SND1: variants seen among roughly 807,000 people sequenced by gnomAD.
The protein encoded by SND1 is staphylococcal nuclease and tudor domain containing 1.
A neutral mutation model predicts 121.7 loss-of-function variants in SND1; 38 were observed. That is an observed-to-expected ratio of 0.31 (90% confidence interval 0.24 to 0.41). The LOEUF is 0.41. SND1 is among the 10% of genes least tolerant of loss of function. The pLI is 1.00. For synonymous variants in SND1, 401 were observed against 447.4 expected (o/e 0.90, Z 1.31); for missense variants, 868 against 1,184.6 (o/e 0.73, Z 3.92).
chr7:127,660,389 CTG>C (rs1795287638), intron 1 of SND1, among the ~76,000 whole-genome samples: 1 of 152,274 alleles, frequency 6.6e-6, no homozygotes. Flanking sequence ...GACTGGGAGA[CTG>C]TGGTGGGAGT....
At chr7:127,880,038 A>G (rs1412602731) in intron 12 of SND1, among the ~76,000 whole-genome samples, 8 of 152,186 alleles carry the variant, frequency 5.3e-5, no homozygotes, top group Admixed American at 5.2e-4. Context: ...TTAAATGGAA[A>G]ATCCTAGAAA....
intron 10 of SND1, among the ~76,000 whole-genome samples, chr7:127,776,862 C>G (rs1047647531): frequency 6.6e-6 from 1 of 152,152 alleles, no homozygotes; most frequent in Non-Finnish European, 1.5e-5. Flanking sequence ...TAGACAAGGC[C>G]CCATTTAACT....
intron 15 of SND1, among the ~76,000 whole-genome samples, chr7:127,940,599 T>A (rs1801174137): frequency 1.3e-5 from 2 of 152,118 alleles, no homozygotes; most frequent in Admixed American, 1.3e-4. Context: ...CTCACAAATC[T>A]CCCACCCCTT....
At chr7:127,762,199 T>C (rs987933885) in intron 10 of SND1, among the ~76,000 whole-genome samples, 1 of 152,186 alleles carries the variant, frequency 6.6e-6, no homozygotes, top group African/African-American at 2.4e-5. Context: ...AGGGCTCAGA[T>C]TGATAACTTT....
chr7:127,923,985 A>C (rs1350120847), intron 14 of SND1, among the ~76,000 whole-genome samples: 1 of 129,394 alleles, frequency 7.7e-6, no homozygotes, highest in African/African-American at 2.6e-5. Flanking sequence ...TGATCTCCAC[A>C]CTTTTTTTTT....
At chr7:127,909,594 T>C (rs1584659221) in intron 14 of SND1, among the ~76,000 whole-genome samples, 1 of 152,034 alleles carries the variant, frequency 6.6e-6, no homozygotes, top group South Asian at 2.1e-4. Context: ...AGTAACTGGG[T>C]CTACAGGTGC....
chr7:127,768,738 A>G (rs1797463995), intron 10 of SND1, among the ~76,000 whole-genome samples: 1 of 152,238 alleles, frequency 6.6e-6, no homozygotes, highest in African/African-American at 2.4e-5. Context: ...ACCCAGGGGT[A>G]GAATCTAAGG....
intron 12 of SND1, among the ~76,000 whole-genome samples, chr7:127,849,965 C>T (rs1366163992): frequency 6.6e-6 from 1 of 152,180 alleles, no homozygotes; most frequent in African/African-American, 2.4e-5. Flanking sequence ...TATGAATATC[C>T]TTTCTGTCTG....
chr7:128,001,937 CA>C (rs966731607), intron 16 of SND1, among the ~76,000 whole-genome samples: 2 of 150,240 alleles, frequency 1.3e-5, no homozygotes, highest in East Asian at 1.9e-4. Flanking sequence ...ATCTCAAAAA[CA>C]AAAAAAAATA....
chr7:127,867,155 C>T (rs1006246993), intron 12 of SND1, among the ~76,000 whole-genome samples: 1 of 152,198 alleles, frequency 6.6e-6, no homozygotes, highest in Non-Finnish European at 1.5e-5. Context: ...GCTATTCATT[C>T]CTTTCCCTTC....
At chr7:128,004,807 C>G (rs1337844531) in intron 16 of SND1, among the ~76,000 whole-genome samples, 3 of 152,240 alleles carry the variant, frequency 2.0e-5, no homozygotes, top group African/African-American at 7.2e-5. Flanking sequence ...AGTTTGCAAT[C>G]TTGCCTGTGT....
Position 127,843,803 on chromosome 7 carries a change from T to C in SND1, c.1243-521T>C, listed in dbSNP as rs1197645276. On this transcript the variant is annotated intron_variant, in intron 11 of 23. Coordinates refer to ENST00000354725, the MANE Select transcript of SND1 (RefSeq NM_014390.4). ...AGTACATGTTCAGTTCTATAAGAAA[T>C]GACTAAACTATCTTCCAAAGTGGCT... Among the ~76,000 whole-genome samples the C allele has an allele frequency of 3.9e-5, 6 of 152,242 alleles. No homozygotes were observed. In the South Asian group the frequency reaches 6.2e-4, roughly 16 times the overall value.
chr7:127,858,838 G>A (rs772039345), intron 12 of SND1, among the ~76,000 whole-genome samples: 4 of 152,212 alleles, frequency 2.6e-5, no homozygotes, highest in Non-Finnish European at 5.9e-5. Flanking sequence ...GTAGAAGAAC[G>A]TAGTTATACT....
At chr7:127,697,828 AG>A (rs1024426645) in intron 3 of SND1, among the ~76,000 whole-genome samples, 2 of 152,180 alleles carry the variant, frequency 1.3e-5, no homozygotes, top group African/African-American at 4.8e-5. Context: ...GTCGATGTGT[AG>A]TGTGCCGAAT....
At chr7:128,013,550 T>G (rs371290396) in intron 16 of SND1, among the ~76,000 whole-genome samples, 1 of 152,206 alleles carries the variant, frequency 6.6e-6, no homozygotes, top group East Asian at 1.9e-4. Flanking sequence ...GTCCCCAACC[T>G]TTTTGGCACT....
intron 11 of SND1, among the ~76,000 whole-genome samples, chr7:127,828,096 A>G (rs1034264878): frequency 2.6e-5 from 4 of 152,186 alleles, no homozygotes; most frequent in Non-Finnish European, 5.9e-5. Context: ...TCACAGGTTC[A>G]AGTGATTCTT....
chr7:127,776,803 G>A (rs930579060), intron 10 of SND1, among the ~76,000 whole-genome samples: 8 of 152,318 alleles, frequency 5.3e-5, no homozygotes, highest in African/African-American at 1.9e-4. Flanking sequence ...GCCAGCAACA[G>A]GAGTGAAGGT....
chr7:127,663,440 C>T (rs1207213292), intron 1 of SND1, among the ~76,000 whole-genome samples: 4 of 150,976 alleles, frequency 2.6e-5, no homozygotes, highest in East Asian at 2.0e-4. Context: ...GGCACAATCT[C>T]GGCTCAGTGA....
intron 11 of SND1, among the ~76,000 whole-genome samples, chr7:127,837,711 A>G (rs1187211766): frequency 6.6e-6 from 1 of 152,232 alleles, no homozygotes; most frequent in Non-Finnish European, 1.5e-5. Flanking sequence ...TAAAATGTTT[A>G]AAAATATGTA....
Sources: allele counts gnomAD v4.1 joint callset (sites outside exome capture counted in the v4.1 genomes callset), GRCh38; gene constraint gnomAD v4.1.1; transcripts MANE v1.5; gene names NCBI Gene and HGNC (gene_info 2026-07-23, HGNC 2026-07-21).